The following PDE6C variants were observed in gnomAD, a reference collection of about 807,000 sequenced individuals.
The protein encoded by PDE6C is cone cGMP-specific 3',5'-cyclic phosphodiesterase subunit alpha'.
In PDE6C, 75 loss-of-function variants were observed where a neutral mutation model predicts 113.1. The ratio of observed to expected loss-of-function variants is 0.66; its 90% CI spans 0.55 to 0.80. The LOEUF (loss-of-function observed/expected upper bound fraction) is 0.80. PDE6C is among the 30% of genes least tolerant of loss of function. The probability of loss-of-function intolerance (pLI) is 0.00; values close to 1 mark genes in which losing one functional copy is unlikely to be tolerated. For synonymous variants in PDE6C, 375 were observed against 363.7 expected (o/e 1.03, Z -0.35); for missense variants, 912 against 1,038.6 (o/e 0.88, Z 1.67).
intron 8 of PDE6C, among the ~76,000 whole-genome samples, chr10:93,632,173 C>T (rs1034396649): frequency 1.3e-5 from 2 of 152,226 alleles, no homozygotes; most frequent in African/African-American, 4.8e-5. Context: ...CTCTCTTCTA[C>T]TTTTAAGGAT....
intron 16 of PDE6C, among the ~76,000 whole-genome samples, chr10:93,657,740 C>A (rs1344972170): frequency 2.6e-5 from 1 of 38,438 alleles, no homozygotes; most frequent in Non-Finnish European, 4.5e-5. Context: ...TTGTATGTCC[C>A]TGTATATATA....
At position 93,640,509 on chromosome 10, in the gene PDE6C, T is replaced by C. The variant is rs541940170; in HGVS notation, c.1689T>C (p.Asn563=). The part of the protein sequence containing the change: ...RKGYRAVTYH[N]WRHGFNVGQT... ...GGTACCGAGCTGTCACTTACCACAATTGGCGGCATGGGTTCAACGTGGGGC... is the reference window on the plus strand; with the variant it reads ...GGTACCGAGCTGTCACTTACCACAACTGGCGGCATGGGTTCAACGTGGGGC... The change falls in exon 13 of 22, where the codon AAT becomes AAC. Residue 563 remains asparagine, a synonymous_variant. Coordinates refer to ENST00000371447, the MANE Select transcript of PDE6C (RefSeq NM_006204.4). 16 of 1,613,964 alleles carry C rather than the reference T, an allele frequency of 9.9e-6. No homozygotes were observed. The highest frequency in any genetic ancestry group is 2.2e-5 in the East Asian group (1 of 44,882).
chr10:93,640,352 A>G (rs1380234243), intron 12 of PDE6C, 98 bp from the exon 13 acceptor site: 1 of 1,239,868 alleles, frequency 8.1e-7, no homozygotes, highest in East Asian at 2.3e-5. Context: ...CTTAACCCCT[A>G]TCTACAAGAC....
rs373111446 is a variant in PDE6C, at chr10:93,640,231, A to T, written c.1629+15A>T. The T allele has an allele frequency of 9.4e-5, 151 of 1,603,388 alleles. No individual in the cohort carries two copies. The African/African-American group carries it at 1.9e-3, about 20-fold the overall frequency. On this transcript the variant is annotated intron_variant, in intron 12 of 21. Coordinates refer to ENST00000371447, the MANE Select transcript of PDE6C (RefSeq NM_006204.4). ...TACCTGTAGAGGTCAGAGGGTATTT[A>T]ATTTAAAATACTGTGTGATTCTGTG...
chr10:93,618,639 G>A (rs1407192527), intron 1 of PDE6C, among the ~76,000 whole-genome samples: 1 of 152,184 alleles, frequency 6.6e-6, no homozygotes, highest in Non-Finnish European at 1.5e-5. Flanking sequence ...CTCTGCAGGA[G>A]TGATTCCCCA....
intron 15 of PDE6C, among the ~76,000 whole-genome samples, chr10:93,651,080 G>T (rs201221787): frequency 2.6e-5 from 4 of 152,040 alleles, no homozygotes; most frequent in Admixed American, 6.6e-5. Flanking sequence ...AATTCTACTC[G>T]CTCTATGGAT....
At chr10:93,636,368 TTGTGTG>T (rs56143950) in intron 10 of PDE6C, among the ~76,000 whole-genome samples, 2,686 of 141,332 alleles carry the variant, frequency 0.019, 83 homozygotes, top group African/African-American at 0.069. Context: ...TTCCCTGGCT[TTGTGTG>T]TGTGTGTGTG....
intron 14 of PDE6C, among the ~76,000 whole-genome samples, chr10:93,643,843 CAAT>C (rs2058570898): frequency 6.6e-6 from 1 of 151,864 alleles, no homozygotes. Flanking sequence ...AGTATTGGTA[CAAT>C]AATATTACCT....
At chr10:93,644,217 C>T (rs1468676222) in intron 14 of PDE6C, among the ~76,000 whole-genome samples, 12 of 152,100 alleles carry the variant, frequency 7.9e-5, no homozygotes. Context: ...TATTTATGGG[C>T]GATGTCCAGA....
chr10:93,641,154 G>A (rs1313988010), intron 14 of PDE6C, 125 bp downstream of exon 14: 4 of 670,540 alleles, frequency 6.0e-6, no homozygotes, highest in Admixed American at 4.6e-5. Flanking sequence ...GGAAATTCCA[G>A]GGCTGGATTC....
In PDE6C at chr10:93,654,750, TTTTCTTTCTTTCTTTC is replaced by T. The variant is rs1218959114; in HGVS notation, c.1936-962_1936-947del. On this transcript the variant is annotated intron_variant, in intron 15 of 21. Coordinates refer to ENST00000371447, the MANE Select transcript of PDE6C (RefSeq NM_006204.4). Reference sequence around the variant, plus strand: ...AAACCACCCCCAGCTTATATACTCATTTTCTTTCTTTCTTTCTTTCTTTCTTTCTTTCTTTCTTTCT... The same window carrying T: ...AAACCACCCCCAGCTTATATACTCATTTTCTTTCTTTCTTTCTTTCTTTCT... Among the ~76,000 whole-genome samples, 964 of 120,734 alleles carry T rather than the reference TTTTCTTTCTTTCTTTC, an allele frequency of 8.0e-3. 24 individuals carry two copies. The highest frequency in any genetic ancestry group is 0.027 in the African/African-American group (836 of 30,986). 79.2% of individuals were successfully genotyped at this position (120,734 alleles called of 152,430 possible).
At chr10:93,641,911 A>C (rs2134613189) in intron 14 of PDE6C, among the ~76,000 whole-genome samples, 1 of 152,340 alleles carries the variant, frequency 6.6e-6, no homozygotes, top group East Asian at 1.9e-4. Context: ...ATTTGGATTC[A>C]CTGGGTCACA....
chr10:93,625,518 G>A, intron 4 of PDE6C, 57 bp from the exon 5 acceptor site: 2 of 1,109,962 alleles, frequency 1.8e-6, no homozygotes, highest in Non-Finnish European at 2.8e-6. Context: ...ATTCATATAA[G>A]ATATGGTAGG....
At chr10:93,644,811 T>C (rs989515579) in intron 14 of PDE6C, among the ~76,000 whole-genome samples, 17 of 147,130 alleles carry the variant, frequency 1.2e-4, no homozygotes, top group Non-Finnish European at 2.1e-4. Context: ...ATATATAGTA[T>C]GTATATAGTA....
chr10:93,653,212 T>C (rs2133873516), intron 15 of PDE6C, among the ~76,000 whole-genome samples: 1 of 152,260 alleles, frequency 6.6e-6, no homozygotes, highest in East Asian at 1.9e-4. Context: ...GCAGGTTAAG[T>C]GGGATCAAAA....
intron 8 of PDE6C, among the ~76,000 whole-genome samples, chr10:93,632,123 C>A (rs1338224292): frequency 1.3e-5 from 2 of 152,168 alleles, no homozygotes; most frequent in African/African-American, 4.8e-5. Flanking sequence ...TCTGACCTTG[C>A]TTTTGTCATC....
intron 15 of PDE6C, among the ~76,000 whole-genome samples, chr10:93,648,191 A>G (rs2058593340): frequency 1.3e-5 from 2 of 152,096 alleles, no homozygotes; most frequent in African/African-American, 4.8e-5. Context: ...AATGTTATTT[A>G]CTTTGCAGTC....
chr10:93,655,672 C>G, intron 15 of PDE6C, 88 bp from the exon 16 acceptor site: 2 of 517,336 alleles, frequency 3.9e-6, no homozygotes, highest in Non-Finnish European at 7.4e-6. Flanking sequence ...TGTTGAAAGA[C>G]TTTTAGATTT....
intron 8 of PDE6C, among the ~76,000 whole-genome samples, chr10:93,632,796 G>T (rs1169044008): frequency 6.6e-6 from 1 of 152,202 alleles, no homozygotes; most frequent in Non-Finnish European, 1.5e-5. Context: ...TCAGGAGACG[G>T]ATGTTGAGGT....
Sources: allele counts gnomAD v4.1 joint callset (sites outside exome capture counted in the v4.1 genomes callset), GRCh38; gene constraint gnomAD v4.1.1; transcripts MANE v1.5; gene names NCBI Gene and HGNC (gene_info 2026-07-23, HGNC 2026-07-21).